TANC1: variants seen among roughly 807,000 people sequenced by gnomAD.
TANC1 encodes protein TANC1.
Under a neutral mutation model 149.7 loss-of-function variants are expected in TANC1, and 77 were observed. That is an observed-to-expected ratio of 0.51 (90% confidence interval 0.43 to 0.62). TANC1 has a LOEUF of 0.62. Ranked by LOEUF, TANC1 falls within the 20% of genes least tolerant of loss-of-function variation. TANC1 has a pLI of 0.00. For missense variants in TANC1, 1,985 were observed against 2,321.8 expected (o/e 0.85, Z 2.98); for synonymous variants, 854 against 925.0 (o/e 0.92, Z 1.39).
intron 1 of TANC1, among the ~76,000 whole-genome samples, chr2:158,974,524 C>A (rs976396274): frequency 2.3e-4 from 35 of 152,186 alleles, no homozygotes; most frequent in African/African-American, 8.2e-4. Context: ...CCTTTGCCTC[C>A]CGGGTTCAAG....
chr2:159,222,313 T>G (rs924515333), intron 22 of TANC1, among the ~76,000 whole-genome samples: 3 of 152,344 alleles, frequency 2.0e-5, no homozygotes, highest in Admixed American at 2.0e-4. Flanking sequence ...TTCAGTAGTT[T>G]AAGTATATTC....
chr2:159,093,687 T>C (rs2045784691), intron 3 of TANC1, among the ~76,000 whole-genome samples: 1 of 152,124 alleles, frequency 6.6e-6, no homozygotes, highest in Non-Finnish European at 1.5e-5. Context: ...AACAACATGT[T>C]TGAGAGTGAT....
intron 2 of TANC1, among the ~76,000 whole-genome samples, chr2:159,047,487 G>C (rs1177681749): frequency 1.3e-5 from 2 of 151,934 alleles, no homozygotes; most frequent in Non-Finnish European, 2.9e-5. Context: ...GAACTACTTA[G>C]GGCAAAGCTG....
At position 159,066,879 on chromosome 2, in the gene TANC1, T is replaced by C. The variant is rs76911909; in HGVS notation, c.61+908T>C. On this transcript the variant is annotated intron_variant, in intron 3 of 26. Coordinates refer to ENST00000263635, the MANE Select transcript of TANC1 (RefSeq NM_033394.3). ...CCTATTCTAGGATTATTTTGGTGAA[T>C]ACTCACTGGTACACCATTTTTCTCT... 2.1e-3 allele frequency among the ~76,000 whole-genome samples: 322 copies of C among 152,338 alleles called. 2 individuals carry two copies. The highest frequency in any genetic ancestry group is 7.2e-3 in the African/African-American group (299 of 41,570).
In TANC1 at chr2:159,016,735, T is replaced by C. The variant is rs186839634; in HGVS notation, c.-16+15546T>C. Among the ~76,000 whole-genome samples, 872 of 151,972 alleles carry C rather than the reference T, an allele frequency of 5.7e-3. 3 individuals are homozygous for C. The highest frequency in any genetic ancestry group is 9.2e-3 in the Non-Finnish European group (626 of 67,958). On this transcript the variant is annotated intron_variant, in intron 2 of 26. Transcript: ENST00000263635. ...GACTACAGGTGCCCCCCACCACGCC[T>C]GGCTAATTTTTTGTATTTTTAGTAG...
chr2:159,171,687 T>A (rs2055227418), intron 10 of TANC1, among the ~76,000 whole-genome samples: 1 of 151,484 alleles, frequency 6.6e-6, no homozygotes, highest in Admixed American at 6.6e-5. Flanking sequence ...TAAAACCCCG[T>A]CTCTACTGAA....
intron 22 of TANC1, 145 bp downstream of exon 22, chr2:159,220,012 G>GTC: frequency 1.4e-6 from 1 of 698,116 alleles, no homozygotes; most frequent in Non-Finnish European, 2.3e-6. Flanking sequence ...GTGTGTGTGT[G>GTC]TGTGTGTGTC....
rs117843342 is a variant in TANC1 at position 158,990,770 on chromosome 2, G to A, written c.-125-10310G>A. Among the ~76,000 whole-genome samples, 102 of 152,208 alleles carry A rather than the reference G, an allele frequency of 6.7e-4. No individual in the cohort carries two copies. The East Asian group carries it at 0.017, about 26-fold the overall frequency. On this transcript the variant is annotated intron_variant, in intron 1 of 26. Coordinates refer to ENST00000263635, the MANE Select transcript of TANC1 (RefSeq NM_033394.3). ...CTTGCTGGTGGGCCTTGTGTACCTT[G>A]CTGAAGAATTCAGGGTTATGGGCTG...
At chr2:159,110,853 T>G (rs2047654903) in intron 4 of TANC1, among the ~76,000 whole-genome samples, 1 of 152,224 alleles carries the variant, frequency 6.6e-6, no homozygotes, top group Non-Finnish European at 1.5e-5. Context: ...TTCCACCCTC[T>G]GGTCTGTGTT....
Position 159,136,175 on chromosome 2 carries a change from C to G in TANC1, c.260-19C>G, listed in dbSNP as rs1210142466. The G allele has an allele frequency of 2.0e-6, 3 of 1,475,884 alleles. No individual in the cohort carries two copies. Among genetic ancestry groups the G allele is most frequent in the Non-Finnish European group, 2.8e-6 (3 of 1,053,576 alleles). 91.4% of individuals were successfully genotyped at this position (1,475,884 alleles called of 1,614,324 possible). The stretch of plus-strand genomic sequence containing the variant: ...GCATCTGGAAAAAATTAGCCACACT[C>G]AGATCTTTCCCACTACAGGTCCCGT... On this transcript the variant is annotated intron_variant, in intron 4 of 26. Transcript: ENST00000263635.
In TANC1 at chr2:159,051,406, C is replaced by T. The variant is rs375763176; in HGVS notation, c.-15-14490C>T. 3.6e-4 allele frequency among the ~76,000 whole-genome samples: 55 copies of T among 152,252 alleles called. 2 individuals carry two copies. The South Asian group carries it at 0.011, about 32-fold the overall frequency. ...TTCTTTAGGTCTGAGATGTTTCATA[C>T]TAAGAGAAATGATGACAGAATCAGT... On this transcript the variant is annotated intron_variant, in intron 2 of 26. Coordinates refer to ENST00000263635, the MANE Select transcript of TANC1 (RefSeq NM_033394.3).
At chr2:159,112,504 C>T (rs1209200006) in intron 4 of TANC1, among the ~76,000 whole-genome samples, 6 of 151,810 alleles carry the variant, frequency 4.0e-5, no homozygotes, top group Non-Finnish European at 8.8e-5. Context: ...GATCTGCACG[C>T]CTCGGCCTCA....
intron 8 of TANC1, among the ~76,000 whole-genome samples, chr2:159,167,514 G>T (rs1363992848): frequency 6.6e-6 from 1 of 152,188 alleles, no homozygotes; most frequent in South Asian, 2.1e-4. Flanking sequence ...CAAGTAATTA[G>T]CTGAGTCTTT....
chr2:159,107,270 A>C (rs1365587607), intron 4 of TANC1, among the ~76,000 whole-genome samples: 3 of 152,022 alleles, frequency 2.0e-5, no homozygotes. Context: ...CAGGTGATTC[A>C]CCTGCCTCAG....
At position 159,231,622 on chromosome 2, in the gene TANC1, G is replaced by A. The variant is rs770872858; in HGVS notation, c.*610G>A. ...ATAAAGGGATTAAACACTTATTTCT[G>A]TGTTATGGTTCTTATTCATATATTT... On this transcript the variant is annotated 3_prime_UTR_variant, in exon 27 of 27. Transcript: ENST00000263635. 18 of 150,562 alleles carry A rather than the reference G, an allele frequency of 1.2e-4. No individual in the cohort carries two copies. Among genetic ancestry groups the A allele is most frequent in the Non-Finnish European group, 2.1e-4 (14 of 67,730 alleles). The allele number at this position is 150,562 out of a possible 1,614,324, so 9.3% of individuals were successfully genotyped here.
chr2:159,163,446 G>A lies in TANC1; in HGVS notation c.846G>A (p.Glu282=), dbSNP rs2054255103. The change falls in exon 8 of 27, where the codon GAG becomes GAA. Residue 282 remains glutamate (E), a synonymous_variant. Coordinates refer to ENST00000263635, the MANE Select transcript of TANC1 (RefSeq NM_033394.3). ...AAGAGGAGACCACCGGGTCAGCAGA[G>A]AGCACGCTGCCCAAAGCAGAATCCT... ...VAEEETTGSA[E]STLPKAESSA... is the part of the protein sequence containing the mutation. The A allele has an allele frequency of 6.2e-7, 1 of 1,614,092 alleles. No individual in the cohort carries two copies. Among genetic ancestry groups the A allele is most frequent in the Non-Finnish European group, 8.5e-7 (1 of 1,180,014 alleles).
At chr2:159,084,418 G>C (rs2044624724) in intron 3 of TANC1, among the ~76,000 whole-genome samples, 2 of 152,058 alleles carry the variant, frequency 1.3e-5, no homozygotes, top group African/African-American at 2.4e-5. Context: ...ATGTTTTTGT[G>C]GGGAAGAAAC....
intron 1 of TANC1, among the ~76,000 whole-genome samples, chr2:158,971,347 C>G (rs966692959): frequency 6.6e-6 from 1 of 152,088 alleles, no homozygotes; most frequent in Non-Finnish European, 1.5e-5. Flanking sequence ...AAGATTTTGT[C>G]TCAGTTGGGT....
chr2:159,029,666 C>A (rs1347969519), intron 2 of TANC1, among the ~76,000 whole-genome samples: 1 of 152,152 alleles, frequency 6.6e-6, no homozygotes, highest in Non-Finnish European at 1.5e-5. Context: ...TGGGCTCAAG[C>A]AGTCCTCCCA....
Sources: allele counts gnomAD v4.1 joint callset (sites outside exome capture counted in the v4.1 genomes callset), GRCh38; gene constraint gnomAD v4.1.1; transcripts MANE v1.5; gene names NCBI Gene and HGNC (gene_info 2026-07-23, HGNC 2026-07-21).